ZBED6: variants seen among roughly 807,000 people sequenced by gnomAD.
ZBED6 encodes zinc finger BED-type containing 6, also known as zinc finger BED domain-containing protein 6.
Under a neutral mutation model 58.4 loss-of-function variants are expected in ZBED6, and 40 were observed. The observed-to-expected ratio is 0.68, with a 90% CI of 0.53 to 0.89. The LOEUF is 0.89. Ranked by LOEUF, ZBED6 falls within the 40% of genes least tolerant of loss-of-function variation. The pLI is 0.00. For missense variants in ZBED6, 1,057 were observed against 1,003.9 expected, an observed-to-expected ratio of 1.05 and a Z score of -0.71; for synonymous variants, 439 against 350.6, an observed-to-expected ratio of 1.25 and a Z score of -2.82.
exon 1 of ZBED6, chr1:203,798,997 C>T (rs1478902356): frequency 6.5e-7 from 1 of 1,536,138 alleles, no homozygotes; most frequent in Non-Finnish European, 8.7e-7. Flanking sequence ...CATGACCCAT[C>T]CACTGACTAT....
chr1:203,838,196 C>G, intron 10 of ZBED6, 132 bp downstream of exon 10: 2 of 863,252 alleles, frequency 2.3e-6, no homozygotes, highest in Non-Finnish European at 3.5e-6. Flanking sequence ...ATTATTCACT[C>G]AACAAACATT....
At chr1:203,840,232 C>G in intron 10 of ZBED6, 74 bp from the exon 11 acceptor site, 3 of 1,453,744 alleles carry the variant, frequency 2.1e-6, no homozygotes, top group Non-Finnish European at 2.9e-6. Flanking sequence ...TGCCACCATG[C>G]CCAGCAAACC....
chr1:203,814,891 A>G (rs947791481), intron 1 of ZBED6: 2 of 152,044 alleles, frequency 1.3e-5, no homozygotes, highest in Non-Finnish European at 2.9e-5. Flanking sequence ...AGTGCAGTGC[A>G]TGATCTCGGC....
intron 9 of ZBED6, among the ~76,000 whole-genome samples, chr1:203,834,372 A>G (rs1272233169): frequency 1.3e-5 from 2 of 152,074 alleles, no homozygotes; most frequent in African/African-American, 4.8e-5. Flanking sequence ...CCTGGACTCA[A>G]GTGATCCTCC....
intron 12 of ZBED6, among the ~76,000 whole-genome samples, 165 bp downstream of exon 12, chr1:203,847,852 T>C (rs1217464961): frequency 2.0e-5 from 3 of 152,140 alleles, no homozygotes; most frequent in Non-Finnish European, 4.4e-5. Context: ...AGACCTATGC[T>C]ATTTTGTTTT....
Position 203,820,335 on chromosome 1 carries a change from G to A in ZBED6, c.*2873+1646G>A, listed in dbSNP as rs186120323. ...GAGCAGTTGCTCAGTCCTGCCTTGC[G>A]TTTCATTGCCCTTAACACTTATGGT... On this transcript the variant is annotated intron_variant, in intron 3 of 16. Coordinates refer to ENST00000550078, the Ensembl canonical transcript of ZBED6. 5.6e-4 allele frequency among the ~76,000 whole-genome samples: 85 copies of A among 152,014 alleles called. 2 individuals carry two copies. Among genetic ancestry groups the A allele is most frequent in the Admixed American group, 2.8e-3 (43 of 15,264 alleles).
intron 3 of ZBED6, among the ~76,000 whole-genome samples, chr1:203,826,336 A>G (rs889070672): frequency 1.3e-5 from 2 of 151,066 alleles, no homozygotes; most frequent in Non-Finnish European, 3.0e-5. Context: ...CTTTTAGAAA[A>G]TATCAATAAT....
chr1:203,802,191 G>A (rs542008376), exon 1 of ZBED6: 21 of 152,634 alleles, frequency 1.4e-4, no homozygotes, highest in African/African-American at 5.1e-4. Flanking sequence ...AACACTCCCT[G>A]ATGACGATGA....
intron 3 of ZBED6, 23 bp from the exon 4 acceptor site, chr1:203,828,276 C>T: frequency 6.2e-7 from 1 of 1,613,608 alleles, no homozygotes; most frequent in South Asian, 1.1e-5. Context: ...TATTTGAAAG[C>T]AATGTGTTTT....
At position 203,833,379 on chromosome 1, in the gene ZBED6, A is replaced by AAC. The variant is rs1553267287; in HGVS notation, c.*3511-411_*3511-410insCA. Among the ~76,000 whole-genome samples, 1,016 of 145,768 alleles carry AAC rather than the reference A, an allele frequency of 7.0e-3. 16 individuals are homozygous for AAC. The highest frequency in any genetic ancestry group is 0.039 in the East Asian group (199 of 5,046). ...GACTCTGTCTCAAAAAAAAAAAAAAAAAAAACACCAGGTGTGGTAGTGTGC... is the reference window on the plus strand; with the variant it reads ...GACTCTGTCTCAAAAAAAAAAAAAAAACAAAAACACCAGGTGTGGTAGTGTGC... On this transcript the variant is annotated intron_variant, in intron 8 of 16. Transcript: ENST00000550078.
intron 1 of ZBED6, among the ~76,000 whole-genome samples, chr1:203,809,683 G>A (rs896554580): frequency 6.6e-6 from 1 of 152,156 alleles, no homozygotes; most frequent in Non-Finnish European, 1.5e-5. Context: ...ACCGGGTGCG[G>A]TGGCTCACGG....
intron 7 of ZBED6, among the ~76,000 whole-genome samples, chr1:203,830,795 A>C (rs1337608607): frequency 6.6e-6 from 1 of 151,962 alleles, no homozygotes; most frequent in Non-Finnish European, 1.5e-5. Context: ...GCGACAGATC[A>C]AGACTCTGTC....
chr1:203,837,874 A>T, intron 9 of ZBED6, 92 bp from the exon 10 acceptor site: 1 of 1,206,114 alleles, frequency 8.3e-7, no homozygotes, highest in South Asian at 1.4e-5. Flanking sequence ...AACACTTAAC[A>T]GAATTATGCT....
intron 1 of ZBED6, among the ~76,000 whole-genome samples, chr1:203,809,705 G>A (rs1416974846): frequency 1.3e-5 from 2 of 152,082 alleles, no homozygotes. Flanking sequence ...TGTAATCCTA[G>A]CACTTTGTGA....
intron 1 of ZBED6, chr1:203,806,307 C>T (rs996084920): frequency 4.3e-6 from 1 of 234,344 alleles, no homozygotes; most frequent in Non-Finnish European, 8.5e-6. Flanking sequence ...TTTTCTTTTT[C>T]CTTTTTTTTT....
chr1:203,825,528 G>A (rs1251813163), intron 3 of ZBED6, among the ~76,000 whole-genome samples: 4 of 148,974 alleles, frequency 2.7e-5, no homozygotes, highest in African/African-American at 5.0e-5. Flanking sequence ...TCCACCTCCC[G>A]GGTTCAAGTG....
exon 6 of ZBED6, chr1:203,829,866 G>C (rs1681686502): frequency 1.2e-6 from 2 of 1,614,122 alleles, no homozygotes; most frequent in Middle Eastern, 1.6e-4. Flanking sequence ...AGTGACTTCT[G>C]TCCGGAAACC....
At chr1:203,804,398 C>T (rs530659830) in intron 1 of ZBED6, among the ~76,000 whole-genome samples, 134 of 151,998 alleles carry the variant, frequency 8.8e-4, no homozygotes, top group African/African-American at 3.0e-3. Context: ...GTGATCCGCC[C>T]GCCTCGGCCT....
intron 2 of ZBED6, among the ~76,000 whole-genome samples, chr1:203,817,394 C>T (rs1676720643): frequency 6.7e-6 from 1 of 149,670 alleles, no homozygotes. Flanking sequence ...TTAATCTGTT[C>T]AGGGTGCCTT....
Sources: gnomAD v4.1 joint callset for allele counts (sites outside exome capture counted in the v4.1 genomes callset) on GRCh38, gnomAD v4.1.1 for gene constraint, MANE v1.5 for transcripts, NCBI Gene and HGNC (gene_info 2026-07-23, HGNC 2026-07-21) for gene names.